The following FER1L6 variants were observed in gnomAD, a reference collection of about 807,000 sequenced individuals.
FER1L6 encodes fer-1-like protein 6.
Under a neutral mutation model 219.2 loss-of-function variants are expected in FER1L6, and 177 were observed. That is an observed-to-expected ratio of 0.81 (90% confidence interval 0.71 to 0.91). The LOEUF is 0.91. FER1L6 is among the 40% of genes least tolerant of loss of function. The pLI, the probability that FER1L6 is intolerant of heterozygous loss-of-function variation, is 0.00. For missense variants in FER1L6, 2,153 were observed against 2,259.9 expected, an observed-to-expected ratio of 0.95 and a Z score of 0.96; for synonymous variants, 768 against 824.3, an observed-to-expected ratio of 0.93 and a Z score of 1.17.
At chr8:124,118,583 C>T (rs1385875504) in intron 39 of FER1L6, among the ~76,000 whole-genome samples, 3 of 152,160 alleles carry the variant, frequency 2.0e-5, no homozygotes, top group Non-Finnish European at 2.9e-5. Flanking sequence ...GTACATGTGA[C>T]GGAGCTTGTG....
Position 124,070,606 on chromosome 8 carries a change from C to T in FER1L6, c.3966+8C>T. ...GTCATAGGAAAATTTAAGGCAGGTT[C>T]CATTTTTAATCCTTTTATTTGGCTC... On this transcript the variant is annotated splice_region_variant and intron_variant, in intron 30 of 40. Transcript: ENST00000522917. The T allele has an allele frequency of 1.3e-6, 2 of 1,571,084 alleles. No individual in the cohort carries two copies. Among genetic ancestry groups the T allele is most frequent in the Non-Finnish European group, 1.7e-6 (2 of 1,163,500 alleles).
rs771117063 is a variant in FER1L6 at position 124,066,424 on chromosome 8, C to T, written c.3556-4C>T. On this transcript the variant is annotated splice_region_variant and splice_polypyrimidine_tract_variant and intron_variant, in intron 26 of 40. Coordinates refer to ENST00000522917, the MANE Select transcript of FER1L6 (RefSeq NM_001039112.2). The stretch of plus-strand genomic sequence containing the variant: ...TAATAACCCATTCCCTCATCCCTTG[C>T]CAGGATCCCAGGAAGCCTTCCCGGA... The T allele has an allele frequency of 1.9e-6, 3 of 1,613,128 alleles. No individual in the cohort carries two copies. Among genetic ancestry groups the T allele is most frequent in the African/African-American group, 2.7e-5 (2 of 74,874 alleles).
chr8:123,947,149 G>T (rs1387500696), intron 1 of FER1L6, among the ~76,000 whole-genome samples: 3 of 152,000 alleles, frequency 2.0e-5, no homozygotes, highest in Non-Finnish European at 4.4e-5. Context: ...AGCCGGGTGT[G>T]GTGGCACGTG....
chr8:124,074,711 C>T (rs564565212), intron 31 of FER1L6, among the ~76,000 whole-genome samples: 8 of 150,782 alleles, frequency 5.3e-5, no homozygotes, highest in African/African-American at 1.5e-4. Context: ...GAAGGGAATA[C>T]GTTCTGAGAA....
intron 1 of FER1L6, among the ~76,000 whole-genome samples, chr8:123,916,960 T>G (rs938280278): frequency 3.3e-5 from 5 of 152,212 alleles, no homozygotes; most frequent in Non-Finnish European, 7.4e-5. Flanking sequence ...TCAGTGATGC[T>G]GAGGTATTTC....
chr8:124,105,961 T>C (rs1242099322), intron 39 of FER1L6, among the ~76,000 whole-genome samples: 1 of 151,988 alleles, frequency 6.6e-6, no homozygotes, highest in Non-Finnish European at 1.5e-5. Flanking sequence ...GGCAAATCCA[T>C]AGAAAATAGA....
intron 6 of FER1L6, 77 bp downstream of exon 6, chr8:123,970,174 C>T: frequency 7.8e-7 from 1 of 1,283,818 alleles, no homozygotes; most frequent in Non-Finnish European, 1.1e-6. Flanking sequence ...TGGGACAACT[C>T]AGCATACTTA....
intron 2 of FER1L6, among the ~76,000 whole-genome samples, chr8:123,962,404 A>T (rs4870883): frequency 0.76 from 115,648 of 151,714 alleles, 44,645 homozygotes; most frequent in African/African-American, 0.89. Context: ...ACACAGTTTT[A>T]TTTTTAAGTA....
intron 12 of FER1L6, among the ~76,000 whole-genome samples, chr8:123,995,550 G>C (rs759003802): frequency 2.0e-5 from 3 of 151,604 alleles, no homozygotes; most frequent in Admixed American, 6.6e-5. Context: ...TTATTTATTT[G>C]GGTCTTCTCT....
chr8:124,070,564 G>C lies in FER1L6; in HGVS notation c.3932G>C (p.Gly1311Ala), dbSNP rs200948208. The C allele has an allele frequency of 5.6e-6, 9 of 1,602,412 alleles. No homozygotes were observed. The highest frequency in any genetic ancestry group is 3.5e-5 in the Admixed American group (2 of 56,952). The stretch of plus-strand genomic sequence containing the variant: ...GGCAAGTCTACGGAAGATGACCATG[G>C]TCTTGATGGAGACCGAGTCATAGGA... ...FRGKSTEDDH[G>A]LDGDRVIGKF... is the part of the protein sequence containing the mutation. The change falls in exon 30 of 41, where the codon GGT (glycine) becomes GCT (alanine). Residue 1311 changes from glycine (G) to alanine (A), a missense_variant. Physicochemically the swap from Gly to Ala is moderately conservative, Grantham distance 60 (BLOSUM62 0). Transcript: ENST00000522917.
At chr8:123,894,534 A>G (rs1001963332) in intron 1 of FER1L6, among the ~76,000 whole-genome samples, 4 of 152,186 alleles carry the variant, frequency 2.6e-5, no homozygotes, top group African/African-American at 9.6e-5. Context: ...CCATGTACTA[A>G]ACAATTGTAA....
At chr8:123,894,573 C>T (rs912820840) in intron 1 of FER1L6, among the ~76,000 whole-genome samples, 36 of 152,290 alleles carry the variant, frequency 2.4e-4, no homozygotes, top group Admixed American at 5.2e-4. Flanking sequence ...GGTACATGTT[C>T]TCTAGCATTG....
intron 12 of FER1L6, among the ~76,000 whole-genome samples, chr8:123,993,113 G>A (rs901584713): frequency 2.3e-4 from 35 of 152,190 alleles, no homozygotes; most frequent in Middle Eastern, 6.8e-3. Context: ...CTATCATATC[G>A]TCTATCTTGG....
At position 123,948,340 on chromosome 8, in the gene FER1L6, A is replaced by G. The variant is rs369118178; in HGVS notation, c.-7-7652A>G. Among the ~76,000 whole-genome samples the G allele has an allele frequency of 5.1e-4, 77 of 152,360 alleles. 2 individuals carry two copies. The South Asian group carries it at 0.016, about 31-fold the overall frequency. ...TTTAAAAATTAAATCTTGAAGCATA[A>G]CATATGAACATAAAAAGCCATACCC... On this transcript the variant is annotated intron_variant, in intron 1 of 40. Transcript: ENST00000522917.
In FER1L6 at chr8:124,064,399, C is replaced by T. The variant is rs1554641948; in HGVS notation, c.3381C>T (p.Ser1127=). ...ATESSGAHSS[S]QDPPADHIYV... ...AGTCCTCTGGAGCCCACAGCTCCTC[C>T]CAGGATCCCCCAGCAGATCACATTT... is the stretch of plus-strand genomic sequence containing the variant. The change falls in exon 26 of 41, where the codon TCC becomes TCT. Residue 1127 remains serine (S), a synonymous_variant. Coordinates refer to ENST00000522917, the MANE Select transcript of FER1L6 (RefSeq NM_001039112.2). 2 of 1,613,424 alleles carry T rather than the reference C, an allele frequency of 1.2e-6. No homozygotes were observed. The highest frequency in any genetic ancestry group is 1.7e-6 in the Non-Finnish European group (2 of 1,179,800).
intron 28 of FER1L6, among the ~76,000 whole-genome samples, chr8:124,068,780 C>T (rs1337276958): frequency 6.6e-6 from 1 of 152,094 alleles, no homozygotes; most frequent in Non-Finnish European, 1.5e-5. Context: ...GGGCCATTGC[C>T]CTATTCCTAT....
At chr8:123,897,573 G>A (rs371024743) in intron 1 of FER1L6, among the ~76,000 whole-genome samples, 2 of 152,156 alleles carry the variant, frequency 1.3e-5, no homozygotes, top group South Asian at 4.1e-4. Flanking sequence ...AGAAATATAT[G>A]TAAGACAATT....
At chr8:123,945,907 A>G (rs1183338180) in intron 1 of FER1L6, among the ~76,000 whole-genome samples, 2 of 152,236 alleles carry the variant, frequency 1.3e-5, no homozygotes, top group Non-Finnish European at 2.9e-5. Flanking sequence ...TAGTATATAC[A>G]GAAAAATAAT....
intron 33 of FER1L6, among the ~76,000 whole-genome samples, chr8:124,083,252 TA>T (rs1173152426): frequency 6.6e-6 from 1 of 152,210 alleles, no homozygotes; most frequent in African/African-American, 2.4e-5. Context: ...TTATTCTATC[TA>T]ACTATATTTT....
Sources: gnomAD v4.1 joint callset for allele counts (sites outside exome capture counted in the v4.1 genomes callset) on GRCh38, gnomAD v4.1.1 for gene constraint, MANE v1.5 for transcripts, NCBI Gene and HGNC (gene_info 2026-07-23, HGNC 2026-07-21) for gene names.